Variants in ROR1 observed in about 807,000 individuals in gnomAD.
ROR1 encodes the protein inactive tyrosine-protein kinase transmembrane receptor ROR1.
Under a neutral mutation model 78.8 loss-of-function variants are expected in ROR1, and 19 were observed. That is an observed-to-expected ratio of 0.24 (90% CI 0.17 to 0.35). The LOEUF (loss-of-function observed/expected upper bound fraction) is 0.35, where lower values mean the gene tolerates loss of function less well. ROR1 is among the 10% of genes least tolerant of loss of function. ROR1 has a pLI of 1.00. For missense variants in ROR1, 917 were observed against 1,177.8 expected (o/e 0.78, Z 3.24); for synonymous variants, 386 against 433.6 (o/e 0.89, Z 1.36).
chr1:63,927,959 C>CCT lies in ROR1; in HGVS notation c.92-81346_92-81345insCT, dbSNP rs770352016. On this transcript the variant is annotated intron_variant, in intron 1 of 8. Coordinates refer to ENST00000371079, the MANE Select transcript of ROR1 (RefSeq NM_005012.4). ...GAGAAACCAAAATGTAAGGGGTTCC[C>CCT]TTTTTTTTTTTTTTTTTGCCAGCCA... 5.4e-4 allele frequency among the ~76,000 whole-genome samples: 72 copies of CCT among 134,238 alleles called. 10 individuals carry two copies. The highest frequency in any genetic ancestry group is 3.5e-3 in the South Asian group (15 of 4,300). The allele number at this position is 134,238 out of a possible 152,430, so 88.1% of individuals were successfully genotyped here.
In ROR1 at chr1:64,024,096, C is replaced by T. The variant is rs376046484; in HGVS notation, c.163+14720C>T. ...GATTCTAAGTTTCCTGAGGTTTCCC[C>T]GGCCATGTGGAAATGTGAGTCAATT... On this transcript the variant is annotated intron_variant, in intron 2 of 8. Transcript: ENST00000371079. Among the ~76,000 whole-genome samples, 41 of 152,276 alleles carry T rather than the reference C, an allele frequency of 2.7e-4. 2 individuals are homozygous for T. The highest frequency in any genetic ancestry group is 1.1e-3 in the Admixed American group (17 of 15,288).
At chr1:64,171,732 C>T (rs1650248286) in intron 8 of ROR1, among the ~76,000 whole-genome samples, 1 of 152,154 alleles carries the variant, frequency 6.6e-6, no homozygotes, top group Non-Finnish European at 1.5e-5. Context: ...GAGAACCACC[C>T]TGGGCTCGAT....
chr1:64,099,375 C>G lies in ROR1; in HGVS notation c.483-37994C>G, dbSNP rs1471971667. 2.0e-5 allele frequency among the ~76,000 whole-genome samples: 3 copies of G among 151,996 alleles called. No homozygotes were observed. The East Asian group carries it at 5.8e-4, about 29-fold the overall frequency. ...CACAGTGCCTGGTCCATAGGAAGCC[C>G]TCAGTAAATATGAATAGCTGCTAAG... On this transcript the variant is annotated intron_variant, in intron 4 of 8. Coordinates refer to ENST00000371079, the MANE Select transcript of ROR1 (RefSeq NM_005012.4).
intron 1 of ROR1, among the ~76,000 whole-genome samples, chr1:64,008,472 T>C (rs1477281149): frequency 6.6e-6 from 1 of 152,166 alleles, no homozygotes; most frequent in Non-Finnish European, 1.5e-5. Context: ...CTTTGGGGTA[T>C]ATACCTTGTA....
At chr1:64,050,141 A>T (rs960330388) in intron 3 of ROR1, among the ~76,000 whole-genome samples, 163 bp downstream of exon 3, 1 of 152,192 alleles carries the variant, frequency 6.6e-6, no homozygotes, top group African/African-American at 2.4e-5. Context: ...ACAAATAAGT[A>T]AACTAAGGCC....
At chr1:63,795,658 C>A (rs187069719) in intron 1 of ROR1, among the ~76,000 whole-genome samples, 25 of 152,302 alleles carry the variant, frequency 1.6e-4, no homozygotes, top group African/African-American at 6.0e-4. Flanking sequence ...GCTTTGAATG[C>A]TGTTTGAACA....
intron 1 of ROR1, among the ~76,000 whole-genome samples, chr1:63,930,874 G>C (rs1345228729): frequency 6.6e-6 from 1 of 152,102 alleles, no homozygotes; most frequent in African/African-American, 2.4e-5. Flanking sequence ...AGGGATGTAG[G>C]TCCCTATTTA....
intron 7 of ROR1, among the ~76,000 whole-genome samples, chr1:64,156,289 T>C (rs943027778): frequency 6.6e-6 from 1 of 152,248 alleles, no homozygotes; most frequent in Admixed American, 6.5e-5. Context: ...TCTGACTTGG[T>C]GCCCTGTGGC....
chr1:63,982,191 G>A (rs1214038226), intron 1 of ROR1, among the ~76,000 whole-genome samples: 2 of 152,032 alleles, frequency 1.3e-5, no homozygotes, highest in South Asian at 2.1e-4. Flanking sequence ...CGCCCAGCTA[G>A]AACATTGAGG....
intron 1 of ROR1, among the ~76,000 whole-genome samples, chr1:63,913,153 T>G (rs1645584426): frequency 6.6e-6 from 1 of 152,182 alleles, no homozygotes; most frequent in Admixed American, 6.5e-5. Context: ...GTATAGTGTG[T>G]AAATGTAGGA....
At chr1:63,917,720 C>T (rs942723802) in intron 1 of ROR1, among the ~76,000 whole-genome samples, 3 of 152,252 alleles carry the variant, frequency 2.0e-5, no homozygotes, top group East Asian at 1.9e-4. Context: ...CTGCAGACCA[C>T]GTGGGGAGAG....
intron 1 of ROR1, among the ~76,000 whole-genome samples, chr1:63,941,886 A>G (rs1645843617): frequency 6.6e-6 from 1 of 152,200 alleles, no homozygotes. Context: ...AATAGTACTC[A>G]TGAGCCTCCG....
intron 2 of ROR1, among the ~76,000 whole-genome samples, chr1:64,021,193 G>T (rs1441612107): frequency 6.6e-6 from 1 of 152,120 alleles, no homozygotes; most frequent in Non-Finnish European, 1.5e-5. Context: ...CTGGCCGTTG[G>T]ACTATGGTTG....
chr1:63,916,147 T>C (rs1645607851), intron 1 of ROR1, among the ~76,000 whole-genome samples: 1 of 152,240 alleles, frequency 6.6e-6, no homozygotes, highest in Non-Finnish European at 1.5e-5. Context: ...ATCCTCTGGC[T>C]CTGAGGTCAT....
intron 1 of ROR1, among the ~76,000 whole-genome samples, chr1:63,854,947 G>A (rs1255958353): frequency 6.6e-6 from 1 of 151,934 alleles, no homozygotes; most frequent in East Asian, 1.9e-4. Context: ...TAAATGCTAT[G>A]TAAATAGTTG....
chr1:63,834,364 G>A (rs1296293198), intron 1 of ROR1, among the ~76,000 whole-genome samples: 1 of 152,026 alleles, frequency 6.6e-6, no homozygotes, highest in East Asian at 1.9e-4. Flanking sequence ...CCTGTATACG[G>A]ATGTATAAGA....
At chr1:63,893,683 G>A (rs893222205) in intron 1 of ROR1, among the ~76,000 whole-genome samples, 4 of 152,040 alleles carry the variant, frequency 2.6e-5, no homozygotes, top group South Asian at 2.1e-4. Context: ...CGAAGCAGCT[G>A]TCTTTTCATC....
chr1:63,809,012 A>T (rs1644845279), intron 1 of ROR1, among the ~76,000 whole-genome samples: 1 of 152,144 alleles, frequency 6.6e-6, no homozygotes, highest in Admixed American at 6.5e-5. Flanking sequence ...ACACAACTTG[A>T]TTCATGGCCA....
At chr1:64,107,951 C>T (rs1462029892) in intron 4 of ROR1, among the ~76,000 whole-genome samples, 1 of 152,062 alleles carries the variant, frequency 6.6e-6, no homozygotes, top group Admixed American at 6.6e-5. Flanking sequence ...AAATCATAAT[C>T]ATTTTACTGG....
Sources: allele counts gnomAD v4.1 joint callset (sites outside exome capture counted in the v4.1 genomes callset), GRCh38; gene constraint gnomAD v4.1.1; transcripts MANE v1.5; gene names NCBI Gene and HGNC (gene_info 2026-07-23, HGNC 2026-07-21).